Variants in DPP10 observed in about 807,000 individuals in gnomAD.
The protein encoded by DPP10 is dipeptidyl peptidase like 10.
Under a neutral mutation model 120.9 loss-of-function variants are expected in DPP10, and 33 were observed. The observed-to-expected ratio is 0.27, with a 90% CI of 0.21 to 0.37. DPP10 has a LOEUF of 0.37. DPP10 is among the 10% of genes least tolerant of loss of function. The pLI is 1.00. For missense variants in DPP10, 816 were observed against 942.8 expected (o/e 0.87, Z 1.76); for synonymous variants, 337 against 326.1 (o/e 1.03, Z -0.36).
chr2:114,536,499 G>T (rs570863269), intron 1 of DPP10, among the ~76,000 whole-genome samples: 1 of 145,718 alleles, frequency 6.9e-6, no homozygotes. Flanking sequence ...TCTGTCTCCC[G>T]GGTTCACACC....
intron 1 of DPP10, among the ~76,000 whole-genome samples, chr2:115,017,025 G>A (rs889626115): frequency 6.7e-6 from 1 of 148,364 alleles, no homozygotes; most frequent in African/African-American, 2.5e-5. Context: ...CATGAACACA[G>A]GAAGGGGAAC....
At chr2:114,449,767 G>A in intron 1 of DPP10, among the ~76,000 whole-genome samples, 1 of 152,092 alleles carries the variant, frequency 6.6e-6, no homozygotes, top group Admixed American at 6.6e-5. Context: ...AATTTTTAAG[G>A]ATACGACATT....
At chr2:114,593,298 G>A (rs1011834416) in intron 1 of DPP10, among the ~76,000 whole-genome samples, 1 of 152,148 alleles carries the variant, frequency 6.6e-6, no homozygotes, top group African/African-American at 2.4e-5. Context: ...GCAGAGCCAC[G>A]CAATTAATAG....
intron 1 of DPP10, among the ~76,000 whole-genome samples, chr2:114,597,815 T>C (rs7582739): frequency 0.15 from 22,857 of 151,916 alleles, 2,135 homozygotes; most frequent in African/African-American, 0.26. Context: ...TCTTTGTCAC[T>C]TGCCTATATC....
chr2:114,995,888 C>A (rs1164699360), intron 1 of DPP10, among the ~76,000 whole-genome samples: 2 of 152,058 alleles, frequency 1.3e-5, no homozygotes, highest in African/African-American at 2.4e-5. Context: ...TAAAAATTAC[C>A]CATAAATTTG....
chr2:115,182,319 T>C (rs910088323), intron 1 of DPP10, among the ~76,000 whole-genome samples: 3 of 152,180 alleles, frequency 2.0e-5, no homozygotes, highest in African/African-American at 4.8e-5. Context: ...ACTTTAGTTG[T>C]GAGATATAAT....
chr2:115,433,698 A>G (rs912842451), intron 3 of DPP10, among the ~76,000 whole-genome samples: 2 of 151,990 alleles, frequency 1.3e-5, no homozygotes, highest in African/African-American at 4.8e-5. Context: ...GGGGTGCACA[A>G]ATTGAATACA....
intron 1 of DPP10, among the ~76,000 whole-genome samples, chr2:114,598,532 G>C (rs1231455292): frequency 6.6e-6 from 1 of 151,846 alleles, no homozygotes; most frequent in East Asian, 1.9e-4. Context: ...AACTGAATAA[G>C]CTTGGGTTGG....
At chr2:115,629,088 A>C (rs1430894278) in intron 5 of DPP10, among the ~76,000 whole-genome samples, 1 of 152,048 alleles carries the variant, frequency 6.6e-6, no homozygotes, top group Admixed American at 6.6e-5. Context: ...TACTTGCGAT[A>C]GTTTGCTGAG....
chr2:115,705,207 C>T (rs1008517614), intron 7 of DPP10, among the ~76,000 whole-genome samples: 8 of 151,700 alleles, frequency 5.3e-5, no homozygotes, highest in Admixed American at 4.6e-4. Context: ...CAATTTTTCC[C>T]GAGTAGTATT....
At chr2:115,161,767 A>AG (rs2052384258) in intron 1 of DPP10, 1 of 486,836 alleles carries the variant, frequency 2.1e-6, no homozygotes, top group African/African-American at 2.1e-5. Context: ...TGGCCGAGGG[A>AG]GGGACCCTAC....
At chr2:114,630,488 C>T (rs1694840395) in intron 1 of DPP10, among the ~76,000 whole-genome samples, 1 of 152,108 alleles carries the variant, frequency 6.6e-6, no homozygotes, top group South Asian at 2.1e-4. Flanking sequence ...CACCCCATTC[C>T]ATTATAATTT....
chr2:115,751,648 C>G (rs1678723866), intron 10 of DPP10, among the ~76,000 whole-genome samples: 1 of 152,128 alleles, frequency 6.6e-6, no homozygotes, highest in Admixed American at 6.6e-5. Context: ...ACAGTAGCTA[C>G]TCGGTAATGT....
chr2:114,693,611 T>G (rs1385414435), intron 1 of DPP10, among the ~76,000 whole-genome samples: 1 of 151,958 alleles, frequency 6.6e-6, no homozygotes. Context: ...TTTCCTGAAT[T>G]TAAATGTTGG....
intron 3 of DPP10, among the ~76,000 whole-genome samples, chr2:115,397,257 A>T (rs540925471): frequency 6.6e-6 from 1 of 152,194 alleles, no homozygotes; most frequent in African/African-American, 2.4e-5. Flanking sequence ...AACAAATCTG[A>T]CTGGACTAAT....
Position 115,689,941 on chromosome 2 carries a change from T to C in DPP10, c.576+20T>C, listed in dbSNP as rs1224396334. The C allele has an allele frequency of 1.9e-6, 3 of 1,604,216 alleles. No individual in the cohort carries two copies. The highest frequency in any genetic ancestry group is 1.3e-5 in the African/African-American group (1 of 74,488). On this transcript the variant is annotated intron_variant, in intron 7 of 25. Transcript: ENST00000410059. Reference sequence around the variant, plus strand: ...CAGCTGGTAAGCGCAGGCATTGGTATGCACTGAACACTGCCAATCATGGTT... The same window carrying C: ...CAGCTGGTAAGCGCAGGCATTGGTACGCACTGAACACTGCCAATCATGGTT...
intron 1 of DPP10, among the ~76,000 whole-genome samples, chr2:114,909,522 C>T (rs190017602): frequency 6.6e-6 from 1 of 151,992 alleles, no homozygotes; most frequent in Non-Finnish European, 1.5e-5. Flanking sequence ...AAATGCATTA[C>T]TCTTGATAGA....
At chr2:115,823,559 G>T (rs1688018861) in intron 21 of DPP10, among the ~76,000 whole-genome samples, 1 of 152,084 alleles carries the variant, frequency 6.6e-6, no homozygotes, top group Non-Finnish European at 1.5e-5. Context: ...ATAAAACATT[G>T]GTTTCATGCT....
At chr2:115,615,360 C>T (rs1575342168) in intron 5 of DPP10, among the ~76,000 whole-genome samples, 1 of 152,066 alleles carries the variant, frequency 6.6e-6, no homozygotes, top group African/African-American at 2.4e-5. Context: ...AATAGAAGCA[C>T]GGATTTTGAG....
Sources: gnomAD v4.1 joint callset for allele counts (sites outside exome capture counted in the v4.1 genomes callset) on GRCh38, gnomAD v4.1.1 for gene constraint, MANE v1.5 for transcripts, NCBI Gene and HGNC (gene_info 2026-07-23, HGNC 2026-07-21) for gene names.